STAB2: variants seen among roughly 807,000 people sequenced by gnomAD.
STAB2 encodes stabilin-2.
STAB2 carries 288 observed loss-of-function variants against 338.1 expected under a neutral mutation model. The ratio of observed to expected loss-of-function variants is 0.85; its 90% CI spans 0.77 to 0.94. The LOEUF is 0.94. Among genes scored for constraint, STAB2 ranks in the 40% least tolerant of loss-of-function variants. The probability of loss-of-function intolerance (pLI) is 0.00; values close to 1 mark genes in which losing one functional copy is unlikely to be tolerated. For synonymous variants in STAB2, 1,202 were observed against 1,193.3 expected, an observed-to-expected ratio of 1.01 and a Z score of -0.15; for missense variants, 3,141 against 3,210.1, an observed-to-expected ratio of 0.98 and a Z score of 0.52.
At chr12:103,757,880 G>A (rs1354034995) in intron 63 of STAB2, 5 of 414,764 alleles carry the variant, frequency 1.2e-5, no homozygotes, top group African/African-American at 2.0e-5. Flanking sequence ...GCCACTGCAG[G>A]ATTTTGAGAA....
chr12:103,756,810 T>C (rs969687552), intron 63 of STAB2, among the ~76,000 whole-genome samples: 3 of 151,834 alleles, frequency 2.0e-5, no homozygotes, highest in Non-Finnish European at 2.9e-5. Flanking sequence ...ACCAAAGATA[T>C]CCATCTCACT....
chr12:103,687,954 T>C (rs79272490), intron 27 of STAB2, among the ~76,000 whole-genome samples: 3,349 of 152,316 alleles, frequency 0.022, 134 homozygotes, highest in African/African-American at 0.077. Flanking sequence ...GCCACCTTAG[T>C]GTGAAAGAAA....
intron 2 of STAB2, among the ~76,000 whole-genome samples, chr12:103,593,541 G>A (rs1463980152): frequency 6.6e-6 from 1 of 152,104 alleles, no homozygotes; most frequent in Non-Finnish European, 1.5e-5. Flanking sequence ...GTGAAGAAGT[G>A]TCCCTGCCAG....
intron 28 of STAB2, among the ~76,000 whole-genome samples, chr12:103,688,924 TAC>T (rs1014981502): frequency 6.6e-6 from 1 of 152,212 alleles, no homozygotes; most frequent in Non-Finnish European, 1.5e-5. Context: ...CCACTTTCGG[TAC>T]AGTCATTTTG....
rs1956844844 is a variant in STAB2 at position 103,594,400 on chromosome 12, C to T, written c.221C>T (p.Thr74Ile). 1 of 1,613,608 alleles carries T rather than the reference C, an allele frequency of 6.2e-7. No homozygotes were observed. Among genetic ancestry groups the T allele is most frequent in the Non-Finnish European group, 8.5e-7 (1 of 1,179,624 alleles). The change falls in exon 3 of 69, where the codon ACC becomes ATC. Residue 74 changes from threonine to isoleucine, a missense_variant. Transcript: ENST00000388887. ...TCCTCTCTTTACCCTCCAAGGTACA[C>T]CTTTGAGGTCAGAACATACTCTCTG... ...GSVGVRDCRY[T>I]FEVRTYSLSL...
rs1392261164 is a variant in STAB2, at chr12:103,695,798, A to G, written c.3536A>G (p.Asn1179Ser). The G allele has an allele frequency of 6.2e-7, 1 of 1,614,118 alleles. No homozygotes were observed. Among genetic ancestry groups the G allele is most frequent in the Non-Finnish European group, 8.5e-7 (1 of 1,180,044 alleles). The change falls in exon 33 of 69, where the codon AAC becomes AGC. Residue 1179 changes from asparagine to serine, a missense_variant. By Grantham distance (46) the Asn-to-Ser change is conservative. Transcript: ENST00000388887. Reference sequence around the variant, plus strand: ...GCCTACACAGTGTTTGCTCCAAACAACAATGCCATCGAGAATTACATCAGG... The same window carrying G: ...GCCTACACAGTGTTTGCTCCAAACAGCAATGCCATCGAGAATTACATCAGG... ...ADAYTVFAPN[N>S]NAIENYIREK...
intron 61 of STAB2, among the ~76,000 whole-genome samples, chr12:103,754,806 C>T (rs530780870): frequency 6.6e-6 from 1 of 152,148 alleles, no homozygotes; most frequent in East Asian, 1.9e-4. Flanking sequence ...ATTAGCTGCA[C>T]ATGGTGGTGC....
At chr12:103,601,623 C>T (rs112712099) in intron 3 of STAB2, among the ~76,000 whole-genome samples, 2,051 of 152,146 alleles carry the variant, frequency 0.013, 41 homozygotes, top group African/African-American at 0.047. Context: ...CCTTAAAGAC[C>T]AAGCTCTGGC....
At chr12:103,624,886 C>T (rs548131924) in intron 5 of STAB2, among the ~76,000 whole-genome samples, 24 of 143,908 alleles carry the variant, frequency 1.7e-4, no homozygotes, top group South Asian at 8.7e-4. Flanking sequence ...TGCAGTGAGC[C>T]GAGATCGTGC....
rs571131187 is a variant in STAB2, at chr12:103,703,010, A to G, written c.3715-138A>G. On this transcript the variant is annotated intron_variant, in intron 34 of 68. Transcript: ENST00000388887. ...CGCTCCTAAGTCAGAGCTCTTTCCA[A>G]TACAAGTGACTATTATATCTCCAGG... The G allele has an allele frequency of 4.8e-6, 5 of 1,041,212 alleles. No homozygotes were observed. In the South Asian group the frequency reaches 5.7e-5, roughly 12 times the overall value. 64.5% of individuals were successfully genotyped at this position (1,041,212 alleles called of 1,614,324 possible).
In STAB2 at chr12:103,658,574, G is replaced by A. The variant is rs1384110269; in HGVS notation, c.1735-1757G>A. 2.0e-5 allele frequency among the ~76,000 whole-genome samples: 3 copies of A among 152,100 alleles called. No individual in the cohort carries two copies. In the South Asian group the frequency reaches 6.2e-4, roughly 32 times the overall value. ...TTTCCTATAGAAGCATCAGAAGACT[G>A]GAAGGAATCCATACCAGTCCCCTTA... On this transcript the variant is annotated intron_variant, in intron 15 of 68. Coordinates refer to ENST00000388887, the MANE Select transcript of STAB2 (RefSeq NM_017564.10).
In STAB2 at chr12:103,660,730, C is replaced by T; in HGVS notation, c.1836C>T (p.Ala612=). The change falls in exon 17 of 69, where the codon GCC becomes GCT. Residue 612 remains alanine (A), a synonymous_variant. Transcript: ENST00000388887. The stretch of plus-strand genomic sequence containing the variant: ...CCACCCCTCACATCAGGAGCATGGC[C>T]AACCAGCTCATACAGTTCAACACCA... ...LISTPHIRSM[A]NQLIQFNTTD... The T allele has an allele frequency of 6.2e-7, 1 of 1,614,112 alleles. No homozygotes were observed. The highest frequency in any genetic ancestry group is 2.2e-5 in the East Asian group (1 of 44,876).
intron 63 of STAB2, among the ~76,000 whole-genome samples, 172 bp downstream of exon 63, chr12:103,755,890 A>C (rs1311411033): frequency 2.0e-5 from 3 of 152,136 alleles, no homozygotes; most frequent in African/African-American, 7.2e-5. Context: ...TAAAACCTTA[A>C]AGAAGTTACT....
At chr12:103,692,939 G>A in intron 31 of STAB2, 50 bp downstream of exon 31, 2 of 1,524,086 alleles carry the variant, frequency 1.3e-6, no homozygotes, top group African/African-American at 1.4e-5. Flanking sequence ...TCCCTTTGTT[G>A]TTTATCGTCC....
rs1359420540 is a variant in STAB2, at chr12:103,620,463, C to T, written c.332-5C>T. On this transcript the variant is annotated splice_region_variant and splice_polypyrimidine_tract_variant and intron_variant, in intron 3 of 68. Coordinates refer to ENST00000388887, the MANE Select transcript of STAB2 (RefSeq NM_017564.10). ...TGAATACATCTGAGCTGTTTGATTCCCTAGAGTGCCCAGGTGGAGCGGGGT... is the reference window on the plus strand; with the variant it reads ...TGAATACATCTGAGCTGTTTGATTCTCTAGAGTGCCCAGGTGGAGCGGGGT... 2 of 1,575,208 alleles carry T rather than the reference C, an allele frequency of 1.3e-6. No homozygotes were observed. Among genetic ancestry groups the T allele is most frequent in the African/African-American group, 2.7e-5 (2 of 74,054 alleles).
In STAB2 at chr12:103,666,343, C is replaced by G. The variant is rs760832838; in HGVS notation, c.2075C>G (p.Ser692Cys). ...LVYWSRCPAN[S>C]EPTALFTHRC... Reference sequence around the variant, plus strand: ...TACTGGAGCAGATGTCCTGCTAACTCTGAGCCCACAGTGAGTGTGACAGCT... The same window carrying G: ...TACTGGAGCAGATGTCCTGCTAACTGTGAGCCCACAGTGAGTGTGACAGCT... The change falls in exon 19 of 69, where the codon TCT (serine) becomes TGT (cysteine). Residue 692 changes from serine (S) to cysteine (C), a missense_variant. By Grantham distance (112) the Ser-to-Cys change is moderately radical. Coordinates refer to ENST00000388887, the MANE Select transcript of STAB2 (RefSeq NM_017564.10). 2.5e-6 allele frequency: 4 copies of G among 1,614,206 alleles called. No homozygotes were observed. The highest frequency in any genetic ancestry group is 8.5e-7 in the Non-Finnish European group (1 of 1,180,030).
intron 63 of STAB2, 24 bp downstream of exon 63, chr12:103,755,742 T>A: frequency 1.2e-6 from 2 of 1,612,514 alleles, no homozygotes; most frequent in Non-Finnish European, 1.7e-6. Flanking sequence ...CTGCTTGGTT[T>A]GCCTCAGGCA....
intron 5 of STAB2, 85 bp downstream of exon 5, chr12:103,622,196 A>T: frequency 7.2e-7 from 1 of 1,397,270 alleles, no homozygotes; most frequent in Non-Finnish European, 1.0e-6. Flanking sequence ...AAAACACTGA[A>T]TAGTTATGTG....
In STAB2 at chr12:103,704,457, C is replaced by T. The variant is rs934784885; in HGVS notation, c.3844-101C>T. On this transcript the variant is annotated intron_variant, in intron 35 of 68. Coordinates refer to ENST00000388887, the MANE Select transcript of STAB2 (RefSeq NM_017564.10). ...TTAAAGAGGCTGCCCAGATAATCTG[C>T]CTTGATTTTTAATTCAAAAACCTTC... is the stretch of plus-strand genomic sequence containing the variant. 1.6e-4 allele frequency: 182 copies of T among 1,169,446 alleles called. 1 individual carries two copies. Among genetic ancestry groups the T allele is most frequent in the Admixed American group, 1.1e-4 (5 of 46,590 alleles). The allele number at this position is 1,169,446 out of a possible 1,614,324, so 72.4% of individuals were successfully genotyped here.
Sources: gnomAD v4.1 joint callset for allele counts (sites outside exome capture counted in the v4.1 genomes callset) on GRCh38, gnomAD v4.1.1 for gene constraint, MANE v1.5 for transcripts, NCBI Gene and HGNC (gene_info 2026-07-23, HGNC 2026-07-21) for gene names.